Variants in BNC2 observed in about 807,000 individuals in gnomAD.
BNC2 encodes basonuclin zinc finger protein 2.
Under a neutral mutation model 76.3 loss-of-function variants are expected in BNC2, and 20 were observed. That is an observed-to-expected ratio of 0.26 (90% CI 0.18 to 0.38). BNC2 has a LOEUF of 0.38. Ranked by LOEUF, BNC2 falls within the 10% of genes least tolerant of loss-of-function variation. The probability of loss-of-function intolerance (pLI) is 1.00; values close to 1 mark genes in which losing one functional copy is unlikely to be tolerated. For synonymous variants in BNC2, 582 were observed against 514.8 expected, an observed-to-expected ratio of 1.13 and a Z score of -1.77; for missense variants, 1,382 against 1,399.8, an observed-to-expected ratio of 0.99 and a Z score of 0.20.
At chr9:16,642,774 A>T (rs1390410358) in intron 3 of BNC2, among the ~76,000 whole-genome samples, 1 of 152,164 alleles carries the variant, frequency 6.6e-6, no homozygotes, top group Non-Finnish European at 1.5e-5. Flanking sequence ...TAAATAGTCT[A>T]CACAAAACTT....
At chr9:16,735,441 G>A (rs533459192) in intron 2 of BNC2, among the ~76,000 whole-genome samples, 3 of 151,382 alleles carry the variant, frequency 2.0e-5, no homozygotes, top group South Asian at 2.1e-4. Context: ...CACACAACGG[G>A]AAATTAACAT....
intron 5 of BNC2, among the ~76,000 whole-genome samples, chr9:16,526,620 G>A (rs749290456): frequency 1.3e-5 from 2 of 151,854 alleles, no homozygotes; most frequent in African/African-American, 2.4e-5. Flanking sequence ...AAAAGCAATC[G>A]AAATGTTTTC....
intron 1 of BNC2, among the ~76,000 whole-genome samples, chr9:16,762,774 T>C (rs1034592785): frequency 6.6e-6 from 1 of 152,202 alleles, no homozygotes; most frequent in African/African-American, 2.4e-5. Context: ...CTGAGATGAC[T>C]GTTTAGCATT....
intron 4 of BNC2, among the ~76,000 whole-genome samples, chr9:16,577,075 C>T (rs1256680898): frequency 6.6e-6 from 1 of 152,028 alleles, no homozygotes; most frequent in Non-Finnish European, 1.5e-5. Context: ...GACCAATAGC[C>T]CTGATTTAGG....
chr9:16,732,909 T>C (rs1051517721), intron 2 of BNC2, among the ~76,000 whole-genome samples: 9 of 152,316 alleles, frequency 5.9e-5, no homozygotes, highest in African/African-American at 2.2e-4. Flanking sequence ...GGCTATCCAA[T>C]CTTATATGTG....
At chr9:16,555,383 A>G (rs1410109750) in intron 4 of BNC2, among the ~76,000 whole-genome samples, 1 of 152,190 alleles carries the variant, frequency 6.6e-6, no homozygotes, top group Non-Finnish European at 1.5e-5. Flanking sequence ...AGAAAAGAGA[A>G]TTAAAAGAGC....
chr9:16,848,587 T>C (rs79173268), intron 1 of BNC2, among the ~76,000 whole-genome samples: 1 of 152,198 alleles, frequency 6.6e-6, no homozygotes, highest in East Asian at 1.9e-4. Context: ...AGCAGAACTT[T>C]ACACCTGAAA....
intron 3 of BNC2, among the ~76,000 whole-genome samples, chr9:16,607,872 C>T (rs1820427281): frequency 6.6e-6 from 1 of 152,078 alleles, no homozygotes; most frequent in Admixed American, 6.6e-5. Context: ...ATAAATTTGA[C>T]TCTCCTGAAA....
intron 1 of BNC2, among the ~76,000 whole-genome samples, chr9:16,793,123 A>C (rs951812093): frequency 2.6e-5 from 4 of 152,252 alleles, no homozygotes; most frequent in African/African-American, 9.6e-5. Context: ...CAGGATTGTC[A>C]ACAAAGTCAG....
Position 16,733,249 on chromosome 9 carries a change from T to C in BNC2, c.129+5111A>G, listed in dbSNP as rs546145008. ...AAAAAGAAGTAATAAAGGAAACCTC[T>C]TCTGAAAAGATAATCCACCCAAATT... On this transcript the variant is annotated intron_variant, in intron 2 of 6. Transcript: ENST00000380672. 8.1e-4 allele frequency among the ~76,000 whole-genome samples: 124 copies of C among 152,282 alleles called. 1 individual carries two copies. The highest frequency in any genetic ancestry group is 2.9e-3 in the African/African-American group (121 of 41,564).
At chr9:16,798,746 C>A (rs923916254) in intron 1 of BNC2, among the ~76,000 whole-genome samples, 1 of 152,168 alleles carries the variant, frequency 6.6e-6, no homozygotes, top group African/African-American at 2.4e-5. Flanking sequence ...ATGCTCCCCA[C>A]CACCCTGTAA....
intron 3 of BNC2, among the ~76,000 whole-genome samples, chr9:16,706,650 T>G (rs1372055960): frequency 6.6e-5 from 10 of 152,236 alleles, no homozygotes; most frequent in Admixed American, 6.5e-4. Flanking sequence ...AAGCCCTAGT[T>G]AAAAGACTTT....
At chr9:16,464,057 G>C (rs372352134) in intron 5 of BNC2, among the ~76,000 whole-genome samples, 1 of 118,086 alleles carries the variant, frequency 8.5e-6, no homozygotes, top group South Asian at 2.6e-4. Flanking sequence ...TTGTGCTACC[G>C]AACTCCAGCC....
intron 5 of BNC2, among the ~76,000 whole-genome samples, chr9:16,482,660 A>G (rs978892112): frequency 6.7e-6 from 1 of 148,552 alleles, no homozygotes; most frequent in African/African-American, 2.6e-5. Flanking sequence ...AATTTAGAAA[A>G]TCTGCTACTT....
At chr9:16,501,697 C>G (rs903934606) in intron 5 of BNC2, among the ~76,000 whole-genome samples, 2 of 152,270 alleles carry the variant, frequency 1.3e-5, no homozygotes, top group South Asian at 2.1e-4. Flanking sequence ...GCCCTAAAAA[C>G]TCTCTGTCCA....
intron 1 of BNC2, among the ~76,000 whole-genome samples, chr9:16,828,667 C>T (rs1170537695): frequency 3.3e-5 from 5 of 152,130 alleles, no homozygotes; most frequent in Non-Finnish European, 7.3e-5. Context: ...TGCTCATTGC[C>T]CTGTGAAGAA....
At chr9:16,431,411 TCTGA>T in intron 6 of BNC2, 1 of 461,084 alleles carries the variant, frequency 2.2e-6, no homozygotes, top group Non-Finnish European at 4.5e-6. Context: ...ACCAGCTAAT[TCTGA>T]CTATCACGCT....
chr9:16,858,920 A>G (rs917445584), intron 1 of BNC2, among the ~76,000 whole-genome samples: 5 of 152,142 alleles, frequency 3.3e-5, no homozygotes, highest in Non-Finnish European at 7.4e-5. Context: ...GAGTGAAGAG[A>G]TAAACTATAG....
intron 1 of BNC2, among the ~76,000 whole-genome samples, chr9:16,825,044 CT>C (rs56055394): frequency 2.0e-5 from 3 of 148,974 alleles, no homozygotes; most frequent in African/African-American, 4.9e-5. Flanking sequence ...TCTTACCCCT[CT>C]TTTTTTTTTC....
Sources: gnomAD v4.1 joint callset for allele counts (sites outside exome capture counted in the v4.1 genomes callset) on GRCh38, gnomAD v4.1.1 for gene constraint, MANE v1.5 for transcripts, NCBI Gene and HGNC (gene_info 2026-07-23, HGNC 2026-07-21) for gene names.